Variants in PCDH15 observed in about 807,000 individuals in gnomAD.
PCDH15 encodes the protein protocadherin related 15.
Under a neutral mutation model 178.5 loss-of-function variants are expected in PCDH15, and 129 were observed. The ratio of observed to expected loss-of-function variants is 0.72; its 90% CI spans 0.63 to 0.84. The LOEUF is 0.84. Ranked by LOEUF, PCDH15 falls within the 40% of genes least tolerant of loss-of-function variation. The pLI is 0.00. For missense variants in PCDH15, 2,230 were observed against 2,099.9 expected (o/e 1.06, Z -1.21); for synonymous variants, 800 against 732.0 (o/e 1.09, Z -1.50).
At chr10:54,244,211 T>C (rs1355384961) in intron 8 of PCDH15, among the ~76,000 whole-genome samples, 2 of 152,168 alleles carry the variant, frequency 1.3e-5, no homozygotes, top group African/African-American at 2.4e-5. Flanking sequence ...TAAATTTACC[T>C]TGTATAATGT....
At chr10:54,217,913 TTTTTTTTG>T (rs2052284511) in intron 9 of PCDH15, among the ~76,000 whole-genome samples, 1 of 150,608 alleles carries the variant, frequency 6.6e-6, no homozygotes, top group South Asian at 2.1e-4. Flanking sequence ...GCCAAAAGGC[TTTTTTTTG>T]TTTTTTTGTT....
chr10:53,986,698 A>G lies in PCDH15; in HGVS notation c.2868+8951T>C, dbSNP rs377025536. The stretch of plus-strand genomic sequence containing the variant: ...AACAATGTGAACGAATCTTGAGGAC[A>G]TTATGGTAAGTGAACTAAGCCAGTC... On this transcript the variant is annotated intron_variant, in intron 21 of 37. Transcript: ENST00000644397. Among the ~76,000 whole-genome samples the G allele has an allele frequency of 8.5e-5, 13 of 152,240 alleles. 1 individual carries two copies. Among genetic ancestry groups the G allele is most frequent in the East Asian group, 5.8e-4 (3 of 5,200 alleles).
At chr10:54,623,925 T>G (rs1480371631) in intron 2 of PCDH15, among the ~76,000 whole-genome samples, 1 of 152,164 alleles carries the variant, frequency 6.6e-6, no homozygotes, top group Non-Finnish European at 1.5e-5. Flanking sequence ...ATACATTGAC[T>G]ATACAAAATA....
chr10:55,559,680 T>C (rs1323410413), intron 2 of PCDH15, among the ~76,000 whole-genome samples: 3 of 151,958 alleles, frequency 2.0e-5, no homozygotes, highest in Non-Finnish European at 4.4e-5. Context: ...AAAAAAATCC[T>C]AGAGTTGAAT....
chr10:54,167,768 A>T (rs1435649755), intron 13 of PCDH15, among the ~76,000 whole-genome samples: 1 of 151,502 alleles, frequency 6.6e-6, no homozygotes, highest in Non-Finnish European at 1.5e-5. Flanking sequence ...CTGCGCCCCA[A>T]TCCCTTATTT....
chr10:54,668,633 C>A (rs571282164), intron 1 of PCDH15, among the ~76,000 whole-genome samples: 1 of 152,286 alleles, frequency 6.6e-6, no homozygotes, highest in South Asian at 2.1e-4. Flanking sequence ...CTCCCTGAGT[C>A]TTGGGTGTTT....
intron 3 of PCDH15, among the ~76,000 whole-genome samples, chr10:54,460,644 T>C (rs2077107799): frequency 6.6e-6 from 1 of 152,118 alleles, no homozygotes; most frequent in Non-Finnish European, 1.5e-5. Flanking sequence ...AATATCATCA[T>C]GCATTTAATA....
intron 2 of PCDH15, among the ~76,000 whole-genome samples, chr10:54,982,147 C>G (rs182938543): frequency 2.0e-5 from 3 of 152,108 alleles, no homozygotes; most frequent in African/African-American, 7.2e-5. Context: ...TATAAATAAA[C>G]AGCAATTATG....
intron 2 of PCDH15, among the ~76,000 whole-genome samples, chr10:55,092,629 T>C (rs1013611523): frequency 3.9e-5 from 6 of 151,900 alleles, no homozygotes; most frequent in South Asian, 2.1e-4. Flanking sequence ...ATGGTCTTAA[T>C]TGACTTGAGA....
At chr10:55,200,389 A>G (rs1257959331) in intron 1 of PCDH15, among the ~76,000 whole-genome samples, 5 of 152,062 alleles carry the variant, frequency 3.3e-5, no homozygotes, top group African/African-American at 1.2e-4. Context: ...TCCTGTCTGG[A>G]ATGGAATCAT....
intron 14 of PCDH15, among the ~76,000 whole-genome samples, chr10:54,144,765 G>C (rs73243504): frequency 0.015 from 2,349 of 152,190 alleles, 76 homozygotes; most frequent in African/African-American, 0.054. Context: ...TTAAAACAAT[G>C]TAATTTAAGT....
intron 7 of PCDH15, among the ~76,000 whole-genome samples, chr10:54,320,175 A>G (rs2061511274): frequency 6.6e-6 from 1 of 152,122 alleles, no homozygotes; most frequent in Admixed American, 6.6e-5. Context: ...CACTAAAAGC[A>G]GATACTTATG....
intron 2 of PCDH15, among the ~76,000 whole-genome samples, chr10:55,421,525 T>C (rs1397455049): frequency 6.7e-6 from 1 of 150,262 alleles, no homozygotes; most frequent in African/African-American, 2.4e-5. Flanking sequence ...TAGATTTGAA[T>C]CTATCTTCTA....
intron 15 of PCDH15, among the ~76,000 whole-genome samples, chr10:54,095,463 T>C (rs1222839381): frequency 2.0e-5 from 3 of 151,846 alleles, no homozygotes; most frequent in Admixed American, 1.3e-4. Flanking sequence ...ATATAACATA[T>C]ATGAAACTTG....
intron 1 of PCDH15, among the ~76,000 whole-genome samples, chr10:55,182,062 A>G (rs1453471004): frequency 2.0e-5 from 3 of 151,918 alleles, no homozygotes. Flanking sequence ...CAAACATAAT[A>G]AAAGAGAACT....
chr10:53,881,653 G>GTATTTATATTCTTAAGAATAA (rs1386294827), intron 26 of PCDH15, among the ~76,000 whole-genome samples: 1 of 151,942 alleles, frequency 6.6e-6, no homozygotes, highest in Non-Finnish European at 1.5e-5. Context: ...AAGCCACCAT[G>GTATTTATATTCTTAAGAATAA]TATTTATATT....
chr10:54,129,344 T>C (rs374207746), intron 15 of PCDH15, among the ~76,000 whole-genome samples: 10 of 152,192 alleles, frequency 6.6e-5, no homozygotes, highest in African/African-American at 1.9e-4. Flanking sequence ...TGTTGAACAC[T>C]GATTTATCAA....
At chr10:55,191,059 C>T (rs12774313) in intron 1 of PCDH15, among the ~76,000 whole-genome samples, 34,939 of 151,510 alleles carry the variant, frequency 0.23, 4,198 homozygotes, top group East Asian at 0.3. Context: ...TATTGTTTTG[C>T]ATTTTCAGCC....
chr10:55,426,574 T>C (rs1368487086), intron 2 of PCDH15, among the ~76,000 whole-genome samples: 1 of 152,006 alleles, frequency 6.6e-6, no homozygotes, highest in Non-Finnish European at 1.5e-5. Flanking sequence ...CCATGGATGG[T>C]GGAAGGGTTA....
Sources: allele counts gnomAD v4.1 joint callset (sites outside exome capture counted in the v4.1 genomes callset), GRCh38; gene constraint gnomAD v4.1.1; transcripts MANE v1.5; gene names NCBI Gene and HGNC (gene_info 2026-07-23, HGNC 2026-07-21).